The following UMAD1 variants were observed in gnomAD, a reference collection of about 807,000 sequenced individuals.
UMAD1 encodes the protein UBAP1-MVB12-associated (UMA) domain containing 1, also known as UBAP1-MVB12-associated (UMA)-domain containing protein 1.
UMAD1 carries 8 observed loss-of-function variants against 6.1 expected under a neutral mutation model. The observed-to-expected ratio is 1.30, with a 90% CI of 0.76 to 2.35. The LOEUF (loss-of-function observed/expected upper bound fraction) is 2.35, where lower values mean the gene tolerates loss of function less well. UMAD1 is among the 30% of genes most tolerant of loss of function. UMAD1 has a pLI of 0.00. For missense variants in UMAD1, 130 were observed against 78.4 expected (o/e 1.66, Z -2.49); for synonymous variants, 56 against 31.4 (o/e 1.78, Z -2.61).
At chr7:7,809,072 A>C (rs530122298) in intron 3 of UMAD1, among the ~76,000 whole-genome samples, 2 of 152,024 alleles carry the variant, frequency 1.3e-5, no homozygotes, top group Non-Finnish European at 2.9e-5. Flanking sequence ...AAACAATCTT[A>C]TGGCCAATTT....
chr7:7,720,440 C>G (rs556024035), intron 2 of UMAD1, among the ~76,000 whole-genome samples: 66 of 152,098 alleles, frequency 4.3e-4, no homozygotes, highest in Non-Finnish European at 1.5e-4. Context: ...CATTTCCCCC[C>G]CTAACTTACT....
intron 3 of UMAD1, among the ~76,000 whole-genome samples, chr7:7,873,340 C>A (rs550038165): frequency 3.8e-4 from 58 of 152,220 alleles, no homozygotes; most frequent in African/African-American, 1.3e-3. Context: ...TGCACCCAAA[C>A]GTTGCTTCCC....
intron 2 of UMAD1, among the ~76,000 whole-genome samples, chr7:7,688,008 A>G (rs1432423459): frequency 6.6e-6 from 1 of 152,180 alleles, no homozygotes; most frequent in Non-Finnish European, 1.5e-5. Context: ...GAAGTTGATA[A>G]CTGAGATAAG....
chr7:7,832,532 G>C (rs1265952037), intron 3 of UMAD1, among the ~76,000 whole-genome samples: 1 of 152,162 alleles, frequency 6.6e-6, no homozygotes, highest in Admixed American at 6.5e-5. Context: ...AGACCCAGAA[G>C]ATAGTGTTAT....
intron 2 of UMAD1, among the ~76,000 whole-genome samples, chr7:7,768,123 TTTAA>T (rs1782029948): frequency 6.6e-6 from 1 of 152,186 alleles, no homozygotes; most frequent in Non-Finnish European, 1.5e-5. Flanking sequence ...TTGCTTACTT[TTTAA>T]TTAATTAATA....
chr7:7,720,172 T>A (rs894772316), intron 2 of UMAD1, among the ~76,000 whole-genome samples: 2 of 152,170 alleles, frequency 1.3e-5, no homozygotes, highest in Non-Finnish European at 2.9e-5. Flanking sequence ...TGCTTGTTAA[T>A]CTTAATTGTA....
intron 3 of UMAD1, among the ~76,000 whole-genome samples, chr7:7,870,721 T>G (rs1418818245): frequency 6.6e-6 from 1 of 152,168 alleles, no homozygotes; most frequent in East Asian, 1.9e-4. Flanking sequence ...TGGCTTATAT[T>G]TCTCCCCTTC....
chr7:7,711,673 T>G (rs1184042638), intron 2 of UMAD1, among the ~76,000 whole-genome samples: 1 of 152,178 alleles, frequency 6.6e-6, no homozygotes, highest in Middle Eastern at 3.2e-3. Context: ...ACTATTGATC[T>G]CTTTTCCCTG....
At chr7:7,820,653 A>G (rs576381074) in intron 3 of UMAD1, among the ~76,000 whole-genome samples, 28 of 152,192 alleles carry the variant, frequency 1.8e-4, no homozygotes, top group Admixed American at 1.6e-3. Flanking sequence ...TTGTAGTTTC[A>G]TAAGGGCCAA....
intron 3 of UMAD1, among the ~76,000 whole-genome samples, chr7:7,861,152 C>A (rs1296320997): frequency 6.6e-6 from 1 of 152,108 alleles, no homozygotes; most frequent in Non-Finnish European, 1.5e-5. Context: ...GTTTAGGATT[C>A]TAGAGATGGA....
intron 2 of UMAD1, among the ~76,000 whole-genome samples, chr7:7,676,479 T>C (rs1477193782): frequency 6.6e-6 from 1 of 152,212 alleles, no homozygotes; most frequent in African/African-American, 2.4e-5. Context: ...CTATCCATCT[T>C]TTTGTAAAAA....
intron 1 of UMAD1, among the ~76,000 whole-genome samples, chr7:7,672,794 G>C (rs938821619): frequency 5.3e-5 from 8 of 152,182 alleles, no homozygotes; most frequent in African/African-American, 1.9e-4. Flanking sequence ...CTTCATAGCA[G>C]TGTGAGAATG....
intron 3 of UMAD1, among the ~76,000 whole-genome samples, chr7:7,829,488 A>G (rs1466822222): frequency 6.6e-6 from 1 of 151,840 alleles, no homozygotes; most frequent in Non-Finnish European, 1.5e-5. Flanking sequence ...CTGGATAAAA[A>G]GTTAAAGCCC....
intron 3 of UMAD1, among the ~76,000 whole-genome samples, chr7:7,858,753 G>A (rs1414353008): frequency 1.3e-5 from 2 of 152,058 alleles, no homozygotes; most frequent in African/African-American, 4.8e-5. Flanking sequence ...TATAACATCC[G>A]GTTTTCCATT....
At chr7:7,769,394 A>G (rs1211046715) in intron 2 of UMAD1, among the ~76,000 whole-genome samples, 2 of 152,152 alleles carry the variant, frequency 1.3e-5, no homozygotes, top group Non-Finnish European at 2.9e-5. Flanking sequence ...GACCTGAGGA[A>G]TGATATACAA....
At chr7:7,836,609 C>T (rs1350790112) in intron 3 of UMAD1, among the ~76,000 whole-genome samples, 1 of 151,408 alleles carries the variant, frequency 6.6e-6, no homozygotes, top group Non-Finnish European at 1.5e-5. Context: ...AATATGTTTA[C>T]TATATTTAAA....
At chr7:7,789,623 C>CG (rs112711017) in intron 2 of UMAD1, among the ~76,000 whole-genome samples, 2 of 145,844 alleles carry the variant, frequency 1.4e-5, no homozygotes, top group African/African-American at 5.1e-5. Flanking sequence ...CCCTTCTCCC[C>CG]TCCCCACAGA....
intron 3 of UMAD1, among the ~76,000 whole-genome samples, chr7:7,870,524 A>G (rs1784313314): frequency 6.6e-6 from 1 of 152,186 alleles, no homozygotes; most frequent in South Asian, 2.1e-4. Context: ...TTTATTATGC[A>G]AATGAAAAAA....
intron 2 of UMAD1, among the ~76,000 whole-genome samples, chr7:7,787,080 C>T (rs1782475258): frequency 6.6e-6 from 1 of 152,112 alleles, no homozygotes; most frequent in Non-Finnish European, 1.5e-5. Flanking sequence ...TTCACTAAAC[C>T]TGCCCCCTAG....
Sources: allele counts gnomAD v4.1 joint callset (sites outside exome capture counted in the v4.1 genomes callset), GRCh38; gene constraint gnomAD v4.1.1; transcripts MANE v1.5; gene names NCBI Gene and HGNC (gene_info 2026-07-23, HGNC 2026-07-21).